ZNF891: variants seen among roughly 807,000 people sequenced by gnomAD.
ZNF891 encodes zinc finger protein 891.
For missense variants in ZNF891, 589 were observed against 632.7 expected (o/e 0.93, Z 0.74); for synonymous variants, 199 against 209.0 (o/e 0.95, Z 0.41).
At position 133,120,628 on chromosome 12, in the gene ZNF891, G is replaced by A. The variant is rs1353808084; in HGVS notation, c.1291C>T (p.Leu431Phe). The change falls in exon 2 of 2, where the codon CTC becomes TTC. Residue 431 changes from leucine to phenylalanine, a missense_variant. Physicochemically the swap from Leu to Phe is conservative, Grantham distance 22 (BLOSUM62 0). Transcript: ENST00000537226. ...TTTCCACACTCACTGCATTCATAGA[G>A]TTTTTCTCCAGTGTGTATTCTCTTG... ...VHKRIHTGEK[L>F]YECSECGKAF... 2.6e-6 allele frequency: 4 copies of A among 1,560,202 alleles called. No homozygotes were observed. Among genetic ancestry groups the A allele is most frequent in the Non-Finnish European group, 2.6e-6 (3 of 1,153,294 alleles).
In ZNF891 at chr12:133,120,014, T is replaced by C. The variant is rs574462097; in HGVS notation, c.*270A>G. On this transcript the variant is annotated 3_prime_UTR_variant, in exon 2 of 2. Transcript: ENST00000537226. ...TAAAAACACCAACAAAGCAGTAAAA[T>C]ATAGTCCAGATTCTCTGAACACAAT... The C allele has an allele frequency of 3.9e-4, 114 of 291,946 alleles. No individual in the cohort carries two copies. Among genetic ancestry groups the C allele is most frequent in the African/African-American group, 2.4e-3 (110 of 46,046 alleles). 18.1% of individuals were successfully genotyped at this position (291,946 alleles called of 1,614,324 possible).
In ZNF891 at chr12:133,130,237, T is replaced by A. The variant is rs2137632157; in HGVS notation, c.-117A>T. On this transcript the variant is annotated 5_prime_UTR_variant, in exon 1 of 2. Coordinates refer to ENST00000537226, the MANE Select transcript of ZNF891 (RefSeq NM_001277291.2). ...GGCCCGCATGCTCACCCGTCCTCAG[T>A]GCCTGCCTCCAGGCGTCCGCGGTCC... 1 of 152,506 alleles carries A rather than the reference T, an allele frequency of 6.6e-6. No individual in the cohort carries two copies. The highest frequency in any genetic ancestry group is 2.4e-5 in the African/African-American group (1 of 41,572). The allele number at this position is 152,506 out of a possible 1,614,324, so 9.4% of individuals were successfully genotyped here.
chr12:133,124,515 A>C (rs1337535873), intron 1 of ZNF891, among the ~76,000 whole-genome samples: 1 of 152,030 alleles, frequency 6.6e-6, no homozygotes, highest in Non-Finnish European at 1.5e-5. Flanking sequence ...ATCAGCTACC[A>C]GCTACACTGA....
rs1165597507 is a variant in ZNF891, at chr12:133,121,388, A to G, written c.531T>C (p.Tyr177=). ...IPGGHWRQMI[Y]APKKTVPQEL... is the part of the protein sequence containing the mutation. ...CCTGAGGTACTGTTTTCTTTGGGGCATATATCATTTGCCTCCAATGTCCCC... is the reference window on the plus strand; with the variant it reads ...CCTGAGGTACTGTTTTCTTTGGGGCGTATATCATTTGCCTCCAATGTCCCC... The change falls in exon 2 of 2, where the codon TAT becomes TAC. Residue 177 remains tyrosine, a synonymous_variant. Transcript: ENST00000537226. The G allele has an allele frequency of 1.3e-6, 2 of 1,536,112 alleles. No homozygotes were observed. The highest frequency in any genetic ancestry group is 2.4e-5 in the East Asian group (1 of 40,906).
In ZNF891 at chr12:133,106,512, C is replaced by G. The variant is rs777125253; in HGVS notation, c.*13772G>C. 15 of 1,613,890 alleles carry G rather than the reference C, an allele frequency of 9.3e-6. No homozygotes were observed. The highest frequency in any genetic ancestry group is 4.5e-5 in the East Asian group (2 of 44,894). On this transcript the variant is annotated 3_prime_UTR_variant, in exon 2 of 2. Transcript: ENST00000537226. ...CAGAGAACTCATACTGGAGAGAAAC[C>G]CTATGTATGTAAGGTATGCAACAAA...
At chr12:133,129,826 G>A (rs1052870313) in intron 1 of ZNF891, among the ~76,000 whole-genome samples, 11 of 152,144 alleles carry the variant, frequency 7.2e-5, no homozygotes, top group Non-Finnish European at 1.5e-4. Context: ...AAGGCAATAG[G>A]TGAAAAAAAC....
chr12:133,116,462 A>C lies in ZNF891; in HGVS notation c.*3822T>G, dbSNP rs1455530999. 6.6e-6 allele frequency: 1 copy of C among 152,196 alleles called. No homozygotes were observed. The highest frequency in any genetic ancestry group is 2.4e-5 in the African/African-American group (1 of 41,418). 9.4% of individuals were successfully genotyped at this position (152,196 alleles called of 1,614,324 possible). On this transcript the variant is annotated 3_prime_UTR_variant, in exon 2 of 2. Transcript: ENST00000537226. The stretch of plus-strand genomic sequence containing the variant: ...TGCTATACCCACCAGGGCTGCTAAC[A>C]CCTGAAACCACTTGGTTTCACAGCA...
At position 133,117,340 on chromosome 12, in the gene ZNF891, T is replaced by TA. The variant is rs1955720934; in HGVS notation, c.*2943dup. On this transcript the variant is annotated 3_prime_UTR_variant, in exon 2 of 2. Transcript: ENST00000537226. Reference sequence around the variant, plus strand: ...AAACTGAAGATCTATTCATAAAGAATAAAAAATATATATATTTGGTTAGTA... The same window carrying TA: ...AAACTGAAGATCTATTCATAAAGAATAAAAAAATATATATATTTGGTTAGTA... 6.6e-6 allele frequency: 1 copy of TA among 152,198 alleles called. No individual in the cohort carries two copies. 9.4% of individuals were successfully genotyped at this position (152,198 alleles called of 1,614,324 possible).
Position 133,112,141 on chromosome 12 carries a change from T to G in ZNF891, c.*8143A>C, listed in dbSNP as rs188935384. The G allele has an allele frequency of 1.3e-3, 204 of 152,222 alleles. 1 individual carries two copies. The highest frequency in any genetic ancestry group is 4.9e-3 in the African/African-American group (201 of 41,442). 9.4% of individuals were successfully genotyped at this position (152,222 alleles called of 1,614,324 possible). A position where few individuals can be genotyped will look rare whatever the true frequency, so the allele number is the denominator to read the frequency against. On this transcript the variant is annotated 3_prime_UTR_variant, in exon 2 of 2. Coordinates refer to ENST00000537226, the MANE Select transcript of ZNF891 (RefSeq NM_001277291.2). The stretch of plus-strand genomic sequence containing the variant: ...CCCCTTTGCCTAACAGTTTTCCATT[T>G]ACTGGACTTACTTTCTGTTCCACAA...
intron 1 of ZNF891, among the ~76,000 whole-genome samples, chr12:133,129,754 C>G (rs1166024837): frequency 6.6e-6 from 1 of 152,174 alleles, no homozygotes; most frequent in Non-Finnish European, 1.5e-5. Context: ...CAAAGGGAAA[C>G]AGCCAATTGA....
chr12:133,118,873 T>C lies in ZNF891; in HGVS notation c.*1411A>G, dbSNP rs1049977161. 5 of 152,120 alleles carry C rather than the reference T, an allele frequency of 3.3e-5. No individual in the cohort carries two copies. The highest frequency in any genetic ancestry group is 9.7e-5 in the African/African-American group (4 of 41,430). The allele number at this position is 152,120 out of a possible 1,614,324, so 9.4% of individuals were successfully genotyped here. On this transcript the variant is annotated 3_prime_UTR_variant, in exon 2 of 2. Coordinates refer to ENST00000537226, the MANE Select transcript of ZNF891 (RefSeq NM_001277291.2). ...AAACATTTAACTGTATATACTTCTG[T>C]TTTTCTACAATATGGTGACTGCGTT...
At position 133,115,493 on chromosome 12, in the gene ZNF891, C is replaced by G. The variant is rs1955711276; in HGVS notation, c.*4791G>C. 6.6e-6 allele frequency: 1 copy of G among 150,510 alleles called. No homozygotes were observed. The highest frequency in any genetic ancestry group is 1.5e-5 in the Non-Finnish European group (1 of 67,844). The allele number at this position is 150,510 out of a possible 1,614,324, so 9.3% of individuals were successfully genotyped here. A position where few individuals can be genotyped will look rare whatever the true frequency, so the allele number is the denominator to read the frequency against. On this transcript the variant is annotated 3_prime_UTR_variant, in exon 2 of 2. Transcript: ENST00000537226. ...TAAAGTCTGACAGAATGCACATTCA[C>G]CTACGATATTAATTTTTTAAGGCAG...
chr12:133,108,475 C>G lies in ZNF891; in HGVS notation c.*11809G>C, dbSNP rs1435676068. 1 of 152,114 alleles carries G rather than the reference C, an allele frequency of 6.6e-6. No homozygotes were observed. Among genetic ancestry groups the G allele is most frequent in the African/African-American group, 2.4e-5 (1 of 41,418 alleles). 9.4% of individuals were successfully genotyped at this position (152,114 alleles called of 1,614,324 possible). A position where few individuals can be genotyped will look rare whatever the true frequency, so the allele number is the denominator to read the frequency against. On this transcript the variant is annotated 3_prime_UTR_variant, in exon 2 of 2. Transcript: ENST00000537226. ...TACTGTTTACTCTGTGGGGATGCAC[C>G]TCATGAACTATATCAGAGGTCATCA...
chr12:133,120,383 T>G lies in ZNF891; in HGVS notation c.1536A>C (p.Gly512=). Residue 512 remains glycine (G), a synonymous_variant, in exon 2 of 2, where the codon GGA becomes GGC. Transcript: ENST00000537226. ...ATTGAATACATTCATAGGGTTTCTC[T>G]CCAGTGTGAATTCTCACATGCCTCC... ...SLRRHVRIHT[G]EKPYECIQCG... is the part of the protein sequence containing the mutation. The G allele has an allele frequency of 6.3e-7, 1 of 1,595,182 alleles. No individual in the cohort carries two copies. The highest frequency in any genetic ancestry group is 1.1e-5 in the South Asian group (1 of 89,084).
chr12:133,126,639 C>T (rs1025781231), intron 1 of ZNF891, among the ~76,000 whole-genome samples: 19 of 142,678 alleles, frequency 1.3e-4, no homozygotes, highest in African/African-American at 4.6e-4. Flanking sequence ...AGTGAAACCC[C>T]GTCTCAAATA....
chr12:133,121,249 C>T lies in ZNF891; in HGVS notation c.670G>A (p.Gly224Arg), dbSNP rs1250458772. 1.3e-6 allele frequency: 2 copies of T among 1,535,558 alleles called. No homozygotes were observed. Among genetic ancestry groups the T allele is most frequent in the Non-Finnish European group, 1.7e-6 (2 of 1,146,798 alleles). The stretch of plus-strand genomic sequence containing the variant: ...ATGATTGAATTGTGTTTCAAACATC[C>T]AATCTCTGAGTAACATTTTTGGCAA... Reference protein sequence around the residue: ...KHCQKCYSEIGCLKHNSIINN... With the variant: ...KHCQKCYSEIRCLKHNSIINN... The change falls in exon 2 of 2, where the codon GGA becomes AGA. Residue 224 changes from glycine (G) to arginine (R), a missense_variant. By Grantham distance (125) the Gly-to-Arg change is moderately radical. Transcript: ENST00000537226.
Position 133,106,727 on chromosome 12 carries a change from C to A in ZNF891, c.*13557G>T. On this transcript the variant is annotated 3_prime_UTR_variant, in exon 2 of 2. Transcript: ENST00000537226. ...GTATAATGCCTTACTTCAGAGAACT[C>A]TTGGAAAGAAGCCTTATGTGAAAGT... 1 of 1,324,348 alleles carries A rather than the reference C, an allele frequency of 7.6e-7. No individual in the cohort carries two copies. Among genetic ancestry groups the A allele is most frequent in the Non-Finnish European group, 1.0e-6 (1 of 982,622 alleles). The allele number at this position is 1,324,348 out of a possible 1,614,324, so 82.0% of individuals were successfully genotyped here.
In ZNF891 at chr12:133,120,391, G is replaced by C. The variant is rs779265206; in HGVS notation, c.1528C>G (p.His510Asp). The C allele has an allele frequency of 5.6e-6, 9 of 1,597,048 alleles. No individual in the cohort carries two copies. Among genetic ancestry groups the C allele is most frequent in the African/African-American group, 1.3e-5 (1 of 74,376 alleles). Residue 510 changes from histidine to aspartate, a missense_variant, in exon 2 of 2, where the codon CAC becomes GAC. Transcript: ENST00000537226. The stretch of plus-strand genomic sequence containing the variant: ...CATTCATAGGGTTTCTCTCCAGTGT[G>C]AATTCTCACATGCCTCCTAAGGGAA... ...SSSLRRHVRI[H>D]TGEKPYECIQ...
Position 133,120,472 on chromosome 12 carries a change from T to C in ZNF891, c.1447A>G (p.Thr483Ala), listed in dbSNP as rs1307086365. 1 of 1,603,330 alleles carries C rather than the reference T, an allele frequency of 6.2e-7. No homozygotes were observed. The highest frequency in any genetic ancestry group is 1.7e-5 in the Admixed American group (1 of 58,478). ...TTACATTCATAGGGTTTCTCTCCAG[T>C]GTGAGTTCTTATATGCATTCTAAGG... ...SSLRMHIRTH[T>A]GEKPYECKEC... The change falls in exon 2 of 2, where the codon ACT (threonine) becomes GCT (alanine). Residue 483 changes from threonine (T) to alanine (A), a missense_variant. By Grantham distance (58) the Thr-to-Ala change is moderately conservative. Transcript: ENST00000537226.
Sources: allele counts gnomAD v4.1 joint callset (sites outside exome capture counted in the v4.1 genomes callset), GRCh38; gene constraint gnomAD v4.1.1; transcripts MANE v1.5; gene names NCBI Gene and HGNC (gene_info 2026-07-23, HGNC 2026-07-21).